PRKN: variants seen among roughly 807,000 people sequenced by gnomAD.
The protein encoded by PRKN is parkin RBR E3 ubiquitin protein ligase.
In PRKN, 56 loss-of-function variants were observed where a neutral mutation model predicts 59.5. The ratio of observed to expected loss-of-function variants is 0.94; its 90% CI spans 0.76 to 1.18. The LOEUF (loss-of-function observed/expected upper bound fraction) is 1.18. Ranked by LOEUF, PRKN falls within the 50% of genes most tolerant of loss-of-function variation. PRKN has a pLI of 0.00. For synonymous variants in PRKN, 250 were observed against 222.1 expected (o/e 1.13, Z -1.12); for missense variants, 657 against 596.4 (o/e 1.10, Z -1.06).
intron 3 of PRKN, among the ~76,000 whole-genome samples, chr6:162,221,576 C>T (rs1777937294): frequency 6.6e-6 from 1 of 152,168 alleles, no homozygotes; most frequent in Non-Finnish European, 1.5e-5. Context: ...CAGAGCTAGG[C>T]TCAACTGCTC....
At chr6:162,470,406 C>G (rs1016608308) in intron 1 of PRKN, among the ~76,000 whole-genome samples, 1 of 152,078 alleles carries the variant, frequency 6.6e-6, no homozygotes, top group South Asian at 2.1e-4. Context: ...GAGTTCAAGA[C>G]CAGCCTGGCC....
intron 1 of PRKN, among the ~76,000 whole-genome samples, chr6:162,532,701 A>G (rs1778562521): frequency 1.3e-5 from 2 of 152,210 alleles, no homozygotes; most frequent in Admixed American, 1.3e-4. Flanking sequence ...GGTCAGTGTA[A>G]ATCTGGATTC....
At chr6:161,366,996 T>G (rs1291278489) in intron 10 of PRKN, among the ~76,000 whole-genome samples, 2 of 135,802 alleles carry the variant, frequency 1.5e-5, no homozygotes, top group African/African-American at 5.6e-5. Context: ...TTTTTTTTTT[T>G]TTTTTTTTTT....
intron 1 of PRKN, among the ~76,000 whole-genome samples, chr6:162,696,580 T>TC (rs1554263032): frequency 6.6e-6 from 1 of 150,546 alleles, no homozygotes; most frequent in African/African-American, 2.5e-5. Context: ...TTTTCTTTTT[T>TC]TTGAGATAGG....
At chr6:162,325,216 A>G (rs1254387998) in intron 2 of PRKN, among the ~76,000 whole-genome samples, 1 of 152,156 alleles carries the variant, frequency 6.6e-6, no homozygotes, top group Non-Finnish European at 1.5e-5. Flanking sequence ...AGAGAGCCAG[A>G]CAAACAGCTT....
At chr6:162,277,953 C>A (rs539053149) in intron 2 of PRKN, among the ~76,000 whole-genome samples, 1 of 152,298 alleles carries the variant, frequency 6.6e-6, no homozygotes, top group Non-Finnish European at 1.5e-5. Flanking sequence ...AAATCATGTC[C>A]ACACAAAAGC....
intron 2 of PRKN, among the ~76,000 whole-genome samples, chr6:162,406,078 T>G (rs1788053909): frequency 6.6e-6 from 1 of 152,282 alleles, no homozygotes; most frequent in Admixed American, 6.5e-5. Flanking sequence ...ATGATTTTTA[T>G]CCAATTCACT....
intron 1 of PRKN, among the ~76,000 whole-genome samples, chr6:162,497,884 A>G (rs1053899747): frequency 2.0e-5 from 3 of 152,196 alleles, no homozygotes; most frequent in Non-Finnish European, 2.9e-5. Flanking sequence ...TTTATTGTAT[A>G]TTTCAAAATA....
Position 161,584,498 on chromosome 6 carries a change from T to C in PRKN, c.872-15082A>G, listed in dbSNP as rs1400890403. On this transcript the variant is annotated intron_variant, in intron 7 of 11. Coordinates refer to ENST00000366898, the MANE Select transcript of PRKN (RefSeq NM_004562.3). This position sits in a 1 kb window ranked among gnomAD's most constrained non-coding sequence, Gnocchi z 4.8. ...TGCCAAATTGGGGGAAAAAACCTTA[T>C]GGCTGGCCTGTTATTAGAAGAAAAT... Among the ~76,000 whole-genome samples, 4 of 152,252 alleles carry C rather than the reference T, an allele frequency of 2.6e-5. No individual in the cohort carries two copies. Among genetic ancestry groups the C allele is most frequent in the Non-Finnish European group, 5.9e-5 (4 of 68,046 alleles).
intron 10 of PRKN, among the ~76,000 whole-genome samples, chr6:161,365,829 G>A (rs1370349717): frequency 6.6e-6 from 1 of 152,148 alleles, no homozygotes; most frequent in Non-Finnish European, 1.5e-5. Context: ...GACTACCCGT[G>A]TAAACATTTC....
chr6:161,430,861 T>G (rs2115051978), intron 9 of PRKN, among the ~76,000 whole-genome samples: 1 of 131,510 alleles, frequency 7.6e-6, no homozygotes, highest in Non-Finnish European at 1.6e-5. Flanking sequence ...GCTGGCCAGG[T>G]GCGGTGGCTC....
chr6:161,415,298 C>T (rs1410527572), intron 9 of PRKN, among the ~76,000 whole-genome samples: 1 of 151,552 alleles, frequency 6.6e-6, no homozygotes, highest in East Asian at 2.0e-4. Context: ...ATTGAGACTC[C>T]AAGATTACGA....
chr6:161,896,139 G>A (rs1777619113), intron 6 of PRKN, among the ~76,000 whole-genome samples: 1 of 152,168 alleles, frequency 6.6e-6, no homozygotes, highest in South Asian at 2.1e-4. Flanking sequence ...GTATGCTTAT[G>A]AGACACTACA....
At chr6:161,790,314 G>A (rs888860902) in intron 6 of PRKN, among the ~76,000 whole-genome samples, 2 of 152,202 alleles carry the variant, frequency 1.3e-5, no homozygotes, top group African/African-American at 2.4e-5. Flanking sequence ...CAGGAAAATG[G>A]TGGGGGACAA....
At chr6:162,589,886 T>C (rs13219230) in intron 1 of PRKN, among the ~76,000 whole-genome samples, 10,575 of 152,292 alleles carry the variant, frequency 0.069, 572 homozygotes, top group South Asian at 0.18. Context: ...GACATTTGTA[T>C]CTCCAACAGC....
At chr6:161,963,640 G>C (rs978167239) in intron 6 of PRKN, among the ~76,000 whole-genome samples, 12 of 152,288 alleles carry the variant, frequency 7.9e-5, no homozygotes, top group Admixed American at 2.6e-4. Flanking sequence ...ATTGATTTCT[G>C]ACTAATTCAT....
At chr6:162,688,472 T>C (rs796099137) in intron 1 of PRKN, among the ~76,000 whole-genome samples, 2 of 152,330 alleles carry the variant, frequency 1.3e-5, no homozygotes, top group African/African-American at 4.8e-5. Flanking sequence ...AATAGGTCAA[T>C]TGTATTAGAT....
rs1781097073 is a variant in PRKN, at chr6:161,575,553, A to G, written c.872-6137T>C. On this transcript the variant is annotated intron_variant, in intron 7 of 11. Coordinates refer to ENST00000366898, the MANE Select transcript of PRKN (RefSeq NM_004562.3). This position sits in a 1 kb window ranked among gnomAD's most constrained non-coding sequence, Gnocchi z 4.6. Reference sequence around the variant, plus strand: ...TCCATTGAGAAGCATTAAAAACCACATGAGTCTTCGATCACTATTTTTCCT... The same window carrying G: ...TCCATTGAGAAGCATTAAAAACCACGTGAGTCTTCGATCACTATTTTTCCT... Among the ~76,000 whole-genome samples, 1 of 152,206 alleles carries G rather than the reference A, an allele frequency of 6.6e-6. No individual in the cohort carries two copies. The highest frequency in any genetic ancestry group is 1.5e-5 in the Non-Finnish European group (1 of 68,030).
chr6:162,377,749 C>T (rs143497233), intron 2 of PRKN, among the ~76,000 whole-genome samples: 14 of 152,240 alleles, frequency 9.2e-5, no homozygotes, highest in Non-Finnish European at 1.5e-4. Context: ...CAGTGCTAAT[C>T]GGGAGAGTAA....
Sources: allele counts gnomAD v4.1 joint callset (sites outside exome capture counted in the v4.1 genomes callset), GRCh38; gene constraint gnomAD v4.1.1; non-coding constraint Gnocchi (gnomAD v3.1); transcripts MANE v1.5; gene names NCBI Gene and HGNC (gene_info 2026-07-23, HGNC 2026-07-21).